CHD7: variants seen among roughly 807,000 people sequenced by gnomAD.
The protein encoded by CHD7 is chromodomain helicase DNA binding protein 7, also known as ATP-dependent chromatin remodeler CHD7.
A neutral mutation model predicts 307.3 loss-of-function variants in CHD7; 24 were observed. The ratio of observed to expected loss-of-function variants is 0.08; its 90% CI spans 0.06 to 0.11. CHD7 has a LOEUF of 0.11. Among genes scored for constraint, CHD7 ranks in the 10% least tolerant of loss-of-function variants. The pLI is 1.00. For missense variants in CHD7, 3,106 were observed against 3,727.1 expected, an observed-to-expected ratio of 0.83 and a Z score of 4.34; for synonymous variants, 1,363 against 1,349.9, an observed-to-expected ratio of 1.01 and a Z score of -0.21.
chr8:60,816,288 G>A (rs1408456992), intron 7 of CHD7, 99 bp from the exon 8 acceptor site: 1 of 691,070 alleles, frequency 1.4e-6, no homozygotes, highest in African/African-American at 1.8e-5. Context: ...AATTAAGCAG[G>A]TTATTTTAAT....
Position 60,831,245 on chromosome 8 carries a change from C to T in CHD7, c.3778+668C>T, listed in dbSNP as rs74765886. Among the ~76,000 whole-genome samples, 313 of 152,148 alleles carry T rather than the reference C, an allele frequency of 2.1e-3. 7 individuals are homozygous for T. In the East Asian group the frequency reaches 0.039, roughly 19 times the overall value. The stretch of plus-strand genomic sequence containing the variant: ...AAGGTAAATAAGAAGGGAGCATTCG[C>T]CACAAGCAGTCTTCAGTTAGCTGAG... On this transcript the variant is annotated intron_variant, in intron 15 of 37. Coordinates refer to ENST00000423902, the MANE Select transcript of CHD7 (RefSeq NM_017780.4).
intron 1 of CHD7, among the ~76,000 whole-genome samples, chr8:60,702,728 G>C (rs533302518): frequency 3.9e-5 from 6 of 152,312 alleles, no homozygotes; most frequent in Admixed American, 3.3e-4. Flanking sequence ...ATCTTTTGCT[G>C]TGTAACAAAC....
At chr8:60,737,330 G>A (rs1808761408) in intron 1 of CHD7, among the ~76,000 whole-genome samples, 1 of 152,194 alleles carries the variant, frequency 6.6e-6, no homozygotes, top group South Asian at 2.1e-4. Flanking sequence ...AAACAGACTT[G>A]ATGCAGGCCT....
intron 1 of CHD7, among the ~76,000 whole-genome samples, chr8:60,724,187 TCAGC>T (rs1395713186): frequency 1.3e-5 from 2 of 152,228 alleles, no homozygotes; most frequent in African/African-American, 4.8e-5. Flanking sequence ...CCTGTCCCTT[TCAGC>T]CAGCCTGTTT....
At chr8:60,803,238 G>A (rs1027467375) in intron 6 of CHD7, among the ~76,000 whole-genome samples, 3 of 152,090 alleles carry the variant, frequency 2.0e-5, no homozygotes, top group Non-Finnish European at 4.4e-5. Context: ...ATAGCATGTC[G>A]TTTAGATGGG....
chr8:60,796,105 GATACC>G (rs1407312304), intron 4 of CHD7, among the ~76,000 whole-genome samples: 1 of 152,210 alleles, frequency 6.6e-6, no homozygotes, highest in African/African-American at 2.4e-5. Flanking sequence ...AGAACTCCCT[GATACC>G]TATAACTTCA....
chr8:60,764,960 A>G (rs183123365), intron 2 of CHD7, among the ~76,000 whole-genome samples: 1 of 152,338 alleles, frequency 6.6e-6, no homozygotes, highest in East Asian at 1.9e-4. Flanking sequence ...TGTTAGTTCT[A>G]CAAAAGGTTC....
intron 3 of CHD7, among the ~76,000 whole-genome samples, chr8:60,784,213 C>T (rs1811388536): frequency 6.6e-6 from 1 of 152,160 alleles, no homozygotes; most frequent in Non-Finnish European, 1.5e-5. Context: ...ATTGCCGTAG[C>T]AGTTTGCTTT....
At chr8:60,827,608 G>A (rs891428860) in intron 13 of CHD7, among the ~76,000 whole-genome samples, 2 of 152,106 alleles carry the variant, frequency 1.3e-5, no homozygotes, top group Non-Finnish European at 2.9e-5. Context: ...GAAGATGATG[G>A]TCGTCCATGA....
chr8:60,830,392 T>G lies in CHD7; in HGVS notation c.3593T>G (p.Leu1198Trp). 1 of 1,613,988 alleles carries G rather than the reference T, an allele frequency of 6.2e-7. No individual in the cohort carries two copies. The change falls in exon 15 of 38, where the codon TTG becomes TGG. Residue 1198 changes from leucine to tryptophan, a missense_variant. Physicochemically the swap from Leu to Trp is moderately conservative, Grantham distance 61. Coordinates refer to ENST00000423902, the MANE Select transcript of CHD7 (RefSeq NM_017780.4). ...RRLKEDVEKN[L>W]APKEETIIEV... ...CTCAAAGAGGATGTAGAAAAGAACT[T>G]GGCCCCCAAAGAAGAAACTATTATT...
At chr8:60,809,993 A>G (rs6988835) in intron 7 of CHD7, among the ~76,000 whole-genome samples, 36,800 of 152,102 alleles carry the variant, frequency 0.24, 7,434 homozygotes, top group African/African-American at 0.56. Context: ...CCTCTTGTCT[A>G]TTTGTTAATT....
intron 1 of CHD7, among the ~76,000 whole-genome samples, chr8:60,733,661 GA>G (rs1356887467): frequency 1.3e-5 from 2 of 152,190 alleles, no homozygotes; most frequent in South Asian, 2.1e-4. Context: ...GACCACTTTG[GA>G]AAAAGCTAGT....
At chr8:60,862,432 T>G (rs1305351097) in intron 36 of CHD7, 96 bp downstream of exon 36, 59 of 1,485,366 alleles carry the variant, frequency 4.0e-5, no homozygotes, top group Admixed American at 2.2e-5. Context: ...AAGAATCCTG[T>G]CTGCCCGAAT....
rs771941657 is a variant in CHD7 at position 60,822,736 on chromosome 8, A to T, written c.3191A>T (p.Lys1064Ile). 4 of 1,606,422 alleles carry T rather than the reference A, an allele frequency of 2.5e-6. No individual in the cohort carries two copies. Among genetic ancestry groups the T allele is most frequent in the Non-Finnish European group, 3.4e-6 (4 of 1,174,626 alleles). The change falls in exon 12 of 38, where the codon AAA (lysine) becomes ATA (isoleucine). Residue 1064 changes from lysine to isoleucine, a missense_variant. Around this residue, in one of 10 missense-constraint regions of CHD7, gnomAD observed 232 missense variants for 422.5 expected, o/e 0.55. Transcript: ENST00000423902. ...ATTCAGTTGTATGAAATGTACTTCAAAGATCCCCAGGTAAACCTTCACAGG... is the reference window on the plus strand; with the variant it reads ...ATTCAGTTGTATGAAATGTACTTCATAGATCCCCAGGTAAACCTTCACAGG... ...RTIQLYEMYF[K>I]DPQGRVIKGS...
At chr8:60,835,618 G>A (rs1166978551) in intron 15 of CHD7, among the ~76,000 whole-genome samples, 1 of 152,108 alleles carries the variant, frequency 6.6e-6, no homozygotes, top group Non-Finnish European at 1.5e-5. Context: ...TTGCTCTTAC[G>A]CTGTAATTGT....
At chr8:60,864,648 T>C in intron 37 of CHD7, 1 of 225,866 alleles carries the variant, frequency 4.4e-6, no homozygotes, top group South Asian at 7.3e-5. Context: ...TACAGTAAAT[T>C]ATTGTTGACT....
At chr8:60,839,920 C>A (rs919588313) in intron 19 of CHD7, among the ~76,000 whole-genome samples, 2 of 152,100 alleles carry the variant, frequency 1.3e-5, no homozygotes, top group Non-Finnish European at 2.9e-5. Flanking sequence ...TTTATTTTAT[C>A]GCTTGTGTTT....
intron 1 of CHD7, among the ~76,000 whole-genome samples, chr8:60,692,028 T>G (rs1031019621): frequency 6.6e-6 from 1 of 152,264 alleles, no homozygotes; most frequent in Non-Finnish European, 1.5e-5. Flanking sequence ...GCTTCTGATG[T>G]ACTCTGAAAC....
At chr8:60,824,286 G>T (rs1480455993) in intron 13 of CHD7, 1 of 427,546 alleles carries the variant, frequency 2.3e-6, no homozygotes, top group Admixed American at 4.0e-5. Flanking sequence ...TTTACCCTTT[G>T]TTCATAAATA....
Sources: allele counts gnomAD v4.1 joint callset (sites outside exome capture counted in the v4.1 genomes callset), GRCh38; gene constraint gnomAD v4.1.1; regional missense constraint gnomAD v4.1.1; transcripts MANE v1.5; gene names NCBI Gene and HGNC (gene_info 2026-07-23, HGNC 2026-07-21).